The following ADAMTSL1 variants were observed in gnomAD, a reference collection of about 807,000 sequenced individuals.
ADAMTSL1 encodes ADAMTS-like protein 1.
A neutral mutation model predicts 201.8 loss-of-function variants in ADAMTSL1; 126 were observed. That is an observed-to-expected ratio of 0.62 (90% CI 0.54 to 0.72). The LOEUF is 0.72. Ranked by LOEUF, ADAMTSL1 falls within the 30% of genes least tolerant of loss-of-function variation. ADAMTSL1 has a pLI of 0.00. For missense variants in ADAMTSL1, 2,679 were observed against 2,277.8 expected, an observed-to-expected ratio of 1.18 and a Z score of -3.59; for synonymous variants, 1,121 against 903.4, an observed-to-expected ratio of 1.24 and a Z score of -4.32.
At chr9:18,010,020 T>G (rs1586889964) in intron 1 of ADAMTSL1, among the ~76,000 whole-genome samples, 1 of 152,050 alleles carries the variant, frequency 6.6e-6, no homozygotes, top group African/African-American at 2.4e-5. Flanking sequence ...ATGGGAAATT[T>G]AAACTCAATC....
At chr9:18,842,510 C>A (rs377431328) in intron 23 of ADAMTSL1, among the ~76,000 whole-genome samples, 2 of 152,202 alleles carry the variant, frequency 1.3e-5, no homozygotes, top group Non-Finnish European at 2.9e-5. Context: ...AAAATGTATA[C>A]TCTGTTGATT....
chr9:18,160,009 T>C (rs1827315949), intron 1 of ADAMTSL1, among the ~76,000 whole-genome samples: 1 of 152,058 alleles, frequency 6.6e-6, no homozygotes, highest in Non-Finnish European at 1.5e-5. Flanking sequence ...TTTACCTATG[T>C]CCCTCTGAAA....
intron 8 of ADAMTSL1, among the ~76,000 whole-genome samples, chr9:18,660,724 A>G (rs1386406346): frequency 1.3e-5 from 2 of 152,200 alleles, no homozygotes. Context: ...TTTTTATAAA[A>G]CAAATATTGG....
chr9:18,491,953 G>A lies in ADAMTSL1; in HGVS notation c.64-12876G>A, dbSNP rs1257946769. On this transcript the variant is annotated intron_variant, in intron 1 of 28. Coordinates refer to ENST00000380548, the MANE Select transcript of ADAMTSL1 (RefSeq NM_001040272.6). ...AATCTACTCTGGACAAGATTTTAAAGAAAAAATTGTAGGCTATCATGTTTT... is the reference window on the plus strand; with the variant it reads ...AATCTACTCTGGACAAGATTTTAAAAAAAAAATTGTAGGCTATCATGTTTT... Among the ~76,000 whole-genome samples, 4 of 151,978 alleles carry A rather than the reference G, an allele frequency of 2.6e-5. No homozygotes were observed. The East Asian group carries it at 7.7e-4, about 29-fold the overall frequency.
chr9:18,500,008 C>T (rs2131900543), intron 1 of ADAMTSL1, among the ~76,000 whole-genome samples: 1 of 152,238 alleles, frequency 6.6e-6, no homozygotes, highest in Middle Eastern at 3.4e-3. Flanking sequence ...TTGCTAATTT[C>T]TGCTTCATCT....
intron 2 of ADAMTSL1, among the ~76,000 whole-genome samples, chr9:18,270,239 T>C (rs1010471957): frequency 3.3e-5 from 5 of 152,112 alleles, no homozygotes; most frequent in Admixed American, 2.6e-4. Flanking sequence ...GACTAGTTAG[T>C]ACTCTGGGGT....
intron 23 of ADAMTSL1, among the ~76,000 whole-genome samples, chr9:18,853,761 CT>C (rs1176572408): frequency 3.3e-5 from 5 of 152,068 alleles, no homozygotes. Flanking sequence ...CTATCACTGT[CT>C]TAATTTTCTC....
At position 18,196,797 on chromosome 9, in the gene ADAMTSL1, T is replaced by C. The variant is rs1284102132; in HGVS notation, c.207+32816T>C. Among the ~76,000 whole-genome samples the C allele has an allele frequency of 2.6e-5, 4 of 152,172 alleles. No homozygotes were observed. The East Asian group carries it at 7.8e-4, about 30-fold the overall frequency. The stretch of plus-strand genomic sequence containing the variant: ...CCTCACACCAAACTCCTTTGCACCT[T>C]AGGGACTTTGCCCAAGCTGTTCCCT... On this transcript the variant is annotated intron_variant, in intron 2 of 29. Coordinates refer to the ADAMTSL1 transcript ENST00000680146.
intron 2 of ADAMTSL1, among the ~76,000 whole-genome samples, chr9:18,170,016 T>C (rs1162756867): frequency 6.6e-6 from 1 of 152,040 alleles, no homozygotes; most frequent in Admixed American, 6.6e-5. Context: ...GCACATTTGC[T>C]ACTTTGAGTT....
At chr9:18,555,812 AGT>A (rs1228925887) in intron 3 of ADAMTSL1, among the ~76,000 whole-genome samples, 1 of 151,988 alleles carries the variant, frequency 6.6e-6, no homozygotes, top group African/African-American at 2.4e-5. Flanking sequence ...GCCAACATCA[AGT>A]GTGGGCTGGA....
intron 15 of ADAMTSL1, among the ~76,000 whole-genome samples, chr9:18,752,280 G>A (rs1435984963): frequency 3.9e-5 from 6 of 152,124 alleles, no homozygotes; most frequent in African/African-American, 1.2e-4. Context: ...GGAAAAGATT[G>A]AGTGCATACA....
At chr9:18,853,111 A>G (rs762215303) in intron 23 of ADAMTSL1, among the ~76,000 whole-genome samples, 15 of 152,114 alleles carry the variant, frequency 9.9e-5, no homozygotes, top group Non-Finnish European at 2.1e-4. Flanking sequence ...AAATGCAATG[A>G]CCTCATGGCA....
chr9:18,379,350 C>A (rs1484234676), intron 2 of ADAMTSL1, among the ~76,000 whole-genome samples: 1 of 152,230 alleles, frequency 6.6e-6, no homozygotes, highest in East Asian at 1.9e-4. Flanking sequence ...TCTGCTCTAA[C>A]CCTTGCAAAA....
chr9:17,974,995 G>T (rs933558144), intron 1 of ADAMTSL1, among the ~76,000 whole-genome samples: 5 of 151,892 alleles, frequency 3.3e-5, no homozygotes, highest in African/African-American at 9.7e-5. Flanking sequence ...ACTGCACAAA[G>T]TTTCCCTTTT....
chr9:18,523,806 T>A lies in ADAMTSL1; in HGVS notation c.192-9441T>A, dbSNP rs371408570. Among the ~76,000 whole-genome samples, 718 of 139,532 alleles carry A rather than the reference T, an allele frequency of 5.1e-3. 3 individuals carry two copies. The highest frequency in any genetic ancestry group is 0.041 in the East Asian group (194 of 4,724). The allele number at this position is 139,532 out of a possible 152,430, so 91.5% of individuals were successfully genotyped here. On this transcript the variant is annotated intron_variant, in intron 2 of 28. Transcript: ENST00000380548. ...GTTCTGTTCCATTGATCTATATCTCTGTTTTGGTACCAGTACCATGCTGTT... is the reference window on the plus strand; with the variant it reads ...GTTCTGTTCCATTGATCTATATCTCAGTTTTGGTACCAGTACCATGCTGTT...
intron 9 of ADAMTSL1, among the ~76,000 whole-genome samples, chr9:18,668,069 T>C (rs914876444): frequency 6.6e-6 from 1 of 151,722 alleles, no homozygotes; most frequent in African/African-American, 2.4e-5. Flanking sequence ...CAAGAAATGG[T>C]TGACTTATTT....
chr9:18,567,053 C>G (rs184349629), intron 3 of ADAMTSL1, among the ~76,000 whole-genome samples: 419 of 152,278 alleles, frequency 2.8e-3, no homozygotes, highest in African/African-American at 9.8e-3. Context: ...ATTATTAAGC[C>G]TCACCCCAGG....
chr9:18,545,697 T>C (rs913911383), intron 3 of ADAMTSL1, among the ~76,000 whole-genome samples: 1 of 152,150 alleles, frequency 6.6e-6, no homozygotes, highest in Non-Finnish European at 1.5e-5. Context: ...CTTTCTCAAG[T>C]CCTAGTTTCT....
chr9:18,684,743 C>T lies in ADAMTSL1; in HGVS notation c.1517C>T (p.Pro506Leu). 1 of 1,613,112 alleles carries T rather than the reference C, an allele frequency of 6.2e-7. No individual in the cohort carries two copies. The highest frequency in any genetic ancestry group is 8.5e-7 in the Non-Finnish European group (1 of 1,179,712). ...AAACTTCCAGTCGAGGCCAAGTTGC[C>T]ATGGTTCAAACAAGCTCAAGAGCTA... ...KEKLPVEAKL[P>L]WFKQAQELEE... Residue 506 changes from proline to leucine, a missense_variant, in exon 13 of 29, where the codon CCA (proline) becomes CTA (leucine). Coordinates refer to ENST00000380548, the MANE Select transcript of ADAMTSL1 (RefSeq NM_001040272.6).
Sources: gnomAD v4.1 joint callset for allele counts (sites outside exome capture counted in the v4.1 genomes callset) on GRCh38, gnomAD v4.1.1 for gene constraint, MANE v1.5 for transcripts, NCBI Gene and HGNC (gene_info 2026-07-23, HGNC 2026-07-21) for gene names.